Variants in SORCS2 observed in about 807,000 individuals in gnomAD.
The protein encoded by SORCS2 is sortilin related VPS10 domain containing receptor 2, also known as VPS10 domain-containing receptor SorCS2.
Under a neutral mutation model 141.6 loss-of-function variants are expected in SORCS2, and 100 were observed. The ratio of observed to expected loss-of-function variants is 0.71; its 90% CI spans 0.60 to 0.83. The LOEUF (loss-of-function observed/expected upper bound fraction) is 0.83, where lower values mean the gene tolerates loss of function less well. Ranked by LOEUF, SORCS2 falls within the 40% of genes least tolerant of loss-of-function variation. The probability of loss-of-function intolerance (pLI) is 0.00; values close to 1 mark genes in which losing one functional copy is unlikely to be tolerated. For missense variants in SORCS2, 1,646 were observed against 1,560.2 expected, an observed-to-expected ratio of 1.05 and a Z score of -0.93; for synonymous variants, 789 against 676.9, an observed-to-expected ratio of 1.17 and a Z score of -2.57.
At chr4:7,494,859 C>G (rs549784531) in intron 2 of SORCS2, among the ~76,000 whole-genome samples, 79 of 152,350 alleles carry the variant, frequency 5.2e-4, no homozygotes, top group Non-Finnish European at 9.4e-4. Context: ...GATCTTTGGG[C>G]TCCGGCTCGT....
intron 4 of SORCS2, among the ~76,000 whole-genome samples, chr4:7,651,158 A>T (rs539218809): frequency 6.6e-6 from 1 of 150,542 alleles, no homozygotes; most frequent in African/African-American, 2.5e-5. Flanking sequence ...CCAGAGTCAG[A>T]GGAGAGGCAA....
In SORCS2 at chr4:7,676,236, C is replaced by A; in HGVS notation, c.1341+7C>A. 1 of 1,549,462 alleles carries A rather than the reference C, an allele frequency of 6.5e-7. No homozygotes were observed. Among genetic ancestry groups the A allele is most frequent in the Non-Finnish European group, 8.7e-7 (1 of 1,146,392 alleles). On this transcript the variant is annotated splice_region_variant and intron_variant, in intron 9 of 26. Coordinates refer to ENST00000507866, the MANE Select transcript of SORCS2 (RefSeq NM_020777.3). ...GCTCATCGACATCCTGGAGGTGGGT[C>A]CAGGGTGGATGTGGGCCAGGTCTGC... is the stretch of plus-strand genomic sequence containing the variant.
At position 7,648,184 on chromosome 4, in the gene SORCS2, C is replaced by T. The variant is rs571352222; in HGVS notation, c.814-5950C>T. 4.1e-4 allele frequency among the ~76,000 whole-genome samples: 24 copies of T among 58,146 alleles called. No homozygotes were observed. Among genetic ancestry groups the T allele is most frequent in the South Asian group, 2.3e-3 (2 of 878 alleles). 38.1% of individuals were successfully genotyped at this position (58,146 alleles called of 152,430 possible). On this transcript the variant is annotated intron_variant, in intron 4 of 26. Coordinates refer to ENST00000507866, the MANE Select transcript of SORCS2 (RefSeq NM_020777.3). The surrounding 1 kb of genome is among the most constrained non-coding windows in gnomAD (Gnocchi z 4.2). ...GAAGGAGGGAGGCCATTTACTGAGA[C>T]CGCAGAGGAGGAGGAGGAGGAGGAG...
intron 1 of SORCS2, among the ~76,000 whole-genome samples, chr4:7,230,584 G>C (rs1432824464): frequency 6.7e-6 from 1 of 149,076 alleles, no homozygotes. Flanking sequence ...AGGAGATGAA[G>C]ATGGTCAAGT....
At chr4:7,616,911 C>T (rs1718798553) in intron 3 of SORCS2, among the ~76,000 whole-genome samples, 2 of 152,240 alleles carry the variant, frequency 1.3e-5, no homozygotes, top group South Asian at 4.1e-4. Flanking sequence ...CTCCCTGGGG[C>T]TGCCTGACAT....
chr4:7,613,578 A>G (rs1387854961), intron 3 of SORCS2, among the ~76,000 whole-genome samples: 2 of 152,174 alleles, frequency 1.3e-5, no homozygotes, highest in Admixed American at 1.3e-4. Flanking sequence ...ACTAAAGAAC[A>G]AAGAAGCACA....
chr4:7,305,905 T>G (rs1231329158), intron 1 of SORCS2, among the ~76,000 whole-genome samples: 2 of 152,118 alleles, frequency 1.3e-5, no homozygotes, highest in Non-Finnish European at 2.9e-5. Context: ...CAAACACTTA[T>G]GGGTGCAAAC....
At chr4:7,349,871 C>T (rs1162014445) in intron 1 of SORCS2, among the ~76,000 whole-genome samples, 1 of 152,180 alleles carries the variant, frequency 6.6e-6, no homozygotes, top group African/African-American at 2.4e-5. Context: ...CATCTCCAAA[C>T]AAGGGATGAA....
chr4:7,367,232 C>G (rs961975225), intron 1 of SORCS2, among the ~76,000 whole-genome samples: 6 of 152,218 alleles, frequency 3.9e-5, no homozygotes, highest in African/African-American at 1.4e-4. Flanking sequence ...GAACACCGTT[C>G]AGGTGAGGTC....
chr4:7,732,653 G>C (rs1439638999), intron 23 of SORCS2, among the ~76,000 whole-genome samples: 6 of 152,088 alleles, frequency 3.9e-5, no homozygotes, highest in Admixed American at 2.0e-4. Flanking sequence ...TCCGCCTCCA[G>C]GAGGCCTTCC....
chr4:7,303,042 T>C (rs550813637), intron 1 of SORCS2, among the ~76,000 whole-genome samples: 1 of 152,232 alleles, frequency 6.6e-6, no homozygotes, highest in East Asian at 1.9e-4. Flanking sequence ...CACAGTGGAA[T>C]GTTAATGCGG....
chr4:7,549,023 G>A (rs904305899), intron 3 of SORCS2, among the ~76,000 whole-genome samples: 1 of 151,994 alleles, frequency 6.6e-6, no homozygotes, highest in Non-Finnish European at 1.5e-5. Context: ...CATAGGGTGG[G>A]GTCCACCCAC....
chr4:7,599,254 C>T (rs966059087), intron 3 of SORCS2, among the ~76,000 whole-genome samples: 2 of 152,182 alleles, frequency 1.3e-5, no homozygotes, highest in African/African-American at 4.8e-5. Flanking sequence ...TCAGCCTCTG[C>T]TCCCCTGCCA....
intron 1 of SORCS2, among the ~76,000 whole-genome samples, chr4:7,216,390 C>T (rs929199195): frequency 2.0e-5 from 3 of 152,218 alleles, no homozygotes; most frequent in African/African-American, 7.2e-5. Flanking sequence ...GCCACATCTT[C>T]TTGTTTTAAT....
At chr4:7,463,424 C>T (rs919137112) in intron 2 of SORCS2, among the ~76,000 whole-genome samples, 1 of 152,108 alleles carries the variant, frequency 6.6e-6, no homozygotes, top group South Asian at 2.1e-4. Context: ...AAGGAGACTC[C>T]AGCGCATAGT....
intron 14 of SORCS2, among the ~76,000 whole-genome samples, chr4:7,704,739 C>G (rs896105565): frequency 3.7e-4 from 57 of 152,360 alleles, no homozygotes; most frequent in African/African-American, 1.3e-3. Context: ...CAGAGCCTCT[C>G]TGGCCCAGGA....
At chr4:7,385,445 GTCC>G (rs1381932657) in intron 1 of SORCS2, among the ~76,000 whole-genome samples, 1 of 152,218 alleles carries the variant, frequency 6.6e-6, no homozygotes, top group African/African-American at 2.4e-5. Context: ...CCAGCAGGAA[GTCC>G]TCTCTTTCAT....
At chr4:7,434,918 T>C in intron 2 of SORCS2, 1 of 1,490,738 alleles carries the variant, frequency 6.7e-7, no homozygotes, top group Non-Finnish European at 8.9e-7. Flanking sequence ...TACCCAGCAG[T>C]GGCTGCTGCT....
chr4:7,584,706 C>A (rs7674249), intron 3 of SORCS2, among the ~76,000 whole-genome samples: 1 of 151,964 alleles, frequency 6.6e-6, no homozygotes, highest in African/African-American at 2.4e-5. Context: ...CGGGGCTCAG[C>A]TGGGGGGAGG....
Sources: gnomAD v4.1 joint callset for allele counts (sites outside exome capture counted in the v4.1 genomes callset) on GRCh38, gnomAD v4.1.1 for gene constraint, Gnocchi (gnomAD v3.1) non-coding constraint, MANE v1.5 for transcripts, NCBI Gene and HGNC (gene_info 2026-07-23, HGNC 2026-07-21) for gene names.